DDC: variants seen among roughly 807,000 people sequenced by gnomAD.
DDC encodes the protein aromatic-L-amino-acid decarboxylase.
Under a neutral mutation model 60.0 loss-of-function variants are expected in DDC, and 43 were observed. The ratio of observed to expected loss-of-function variants is 0.72; its 90% confidence interval spans 0.56 to 0.92. The LOEUF is 0.92. Ranked by LOEUF, DDC falls within the 40% of genes least tolerant of loss-of-function variation. The probability of loss-of-function intolerance (pLI) is 0.00; values close to 1 mark genes in which losing one functional copy is unlikely to be tolerated. For missense variants in DDC, 573 were observed against 620.2 expected, an observed-to-expected ratio of 0.92 and a Z score of 0.81; for synonymous variants, 232 against 234.6, an observed-to-expected ratio of 0.99 and a Z score of 0.10.
At chr7:50,551,080 A>T (rs2044977208) in intron 1 of DDC, among the ~76,000 whole-genome samples, 1 of 152,164 alleles carries the variant, frequency 6.6e-6, no homozygotes, top group Non-Finnish European at 1.5e-5. Context: ...ATTTAGAACA[A>T]ATTCTTCTAG....
At chr7:50,494,471 TCCAGCCTGG>T (rs2043078665) in intron 9 of DDC, among the ~76,000 whole-genome samples, 1 of 151,364 alleles carries the variant, frequency 6.6e-6, no homozygotes, top group Admixed American at 6.6e-5. Flanking sequence ...ACCACTGCAC[TCCAGCCTGG>T]GCGACAGAAT....
At chr7:50,470,655 A>C (rs1340413207) in intron 11 of DDC, among the ~76,000 whole-genome samples, 1 of 152,144 alleles carries the variant, frequency 6.6e-6, no homozygotes, top group Non-Finnish European at 1.5e-5. Flanking sequence ...TTCTAGAGCA[A>C]TACTGGTTCC....
intron 2 of DDC, chr7:50,541,447 C>T (rs906792207): frequency 1.3e-5 from 2 of 152,238 alleles, no homozygotes; most frequent in African/African-American, 4.8e-5. Context: ...AAATCCTAAC[C>T]CCCAAAGTGA....
Position 50,474,384 on chromosome 7 carries a change from A to G in DDC, c.1041+2240T>C, listed in dbSNP as rs182204823. 5.1e-3 allele frequency among the ~76,000 whole-genome samples: 775 copies of G among 152,280 alleles called. 5 individuals are homozygous for G. Among genetic ancestry groups the G allele is most frequent in the South Asian group, 0.021 (102 of 4,828 alleles). Reference sequence around the variant, plus strand: ...CAGAAAGACCCCATGAGGGTCAGGGACTGGTGGTGGAGGGAGTAGGATGAA... The same window carrying G: ...CAGAAAGACCCCATGAGGGTCAGGGGCTGGTGGTGGAGGGAGTAGGATGAA... On this transcript the variant is annotated intron_variant, in intron 11 of 14. Coordinates refer to ENST00000444124, the MANE Select transcript of DDC (RefSeq NM_001082971.2).
At chr7:50,468,144 G>A (rs182967042) in intron 12 of DDC, among the ~76,000 whole-genome samples, 140 of 152,360 alleles carry the variant, frequency 9.2e-4, no homozygotes, top group Non-Finnish European at 1.5e-3. Context: ...GGCGCCTCGC[G>A]GGCAGGGGGT....
chr7:50,521,326 A>G (rs2043884231), intron 6 of DDC, among the ~76,000 whole-genome samples: 1 of 152,326 alleles, frequency 6.6e-6, no homozygotes, highest in East Asian at 1.9e-4. Context: ...TCTAAAACAA[A>G]GAAACCATGC....
At chr7:50,560,195 G>C (rs2045309866) in intron 1 of DDC, among the ~76,000 whole-genome samples, 2 of 152,148 alleles carry the variant, frequency 1.3e-5, no homozygotes, top group Non-Finnish European at 2.9e-5. Context: ...ACCAGCTTTT[G>C]TGCAGTGATT....
chr7:50,461,520 C>T (rs554560586), intron 14 of DDC, among the ~76,000 whole-genome samples: 2 of 152,326 alleles, frequency 1.3e-5, no homozygotes, highest in Admixed American at 6.5e-5. Flanking sequence ...AGACTCCTAT[C>T]GGAAACACAC....
At chr7:50,480,300 C>A (rs2042738959) in intron 9 of DDC, among the ~76,000 whole-genome samples, 3 of 152,200 alleles carry the variant, frequency 2.0e-5, no homozygotes, top group Admixed American at 6.5e-5. Flanking sequence ...GTAAATGCTT[C>A]ATGATGCTGG....
At chr7:50,519,083 C>T (rs148669951) in intron 6 of DDC, among the ~76,000 whole-genome samples, 2,890 of 152,202 alleles carry the variant, frequency 0.019, 31 homozygotes, top group Middle Eastern at 0.061. Context: ...GGGCTAAGGA[C>T]ATGAATAGAC....
chr7:50,538,700 T>C (rs2044503029), intron 3 of DDC, among the ~76,000 whole-genome samples: 1 of 152,184 alleles, frequency 6.6e-6, no homozygotes, highest in Non-Finnish European at 1.5e-5. Context: ...AGTGAGGCAC[T>C]CCCTTCAAGG....
Position 50,488,700 on chromosome 7 carries a change from T to G in DDC, c.944+6650A>C, listed in dbSNP as rs2042937077. On this transcript the variant is annotated intron_variant, in intron 9 of 14. Transcript: ENST00000444124. The stretch of plus-strand genomic sequence containing the variant: ...ATAATAGTCTTTCTAGAAATTGGGC[T>G]TTGATATTAAAAATACACTAATAAA... 2.0e-5 allele frequency among the ~76,000 whole-genome samples: 3 copies of G among 152,182 alleles called. No individual in the cohort carries two copies. The South Asian group carries it at 6.2e-4, about 31-fold the overall frequency.
chr7:50,480,444 G>T (rs543300828), intron 9 of DDC, among the ~76,000 whole-genome samples: 1 of 152,188 alleles, frequency 6.6e-6, no homozygotes, highest in East Asian at 1.9e-4. Context: ...AATTCTGTGA[G>T]TTGTTCTAGT....
chr7:50,480,820 G>T (rs942094447), intron 9 of DDC, among the ~76,000 whole-genome samples: 1 of 152,150 alleles, frequency 6.6e-6, no homozygotes, highest in East Asian at 1.9e-4. Flanking sequence ...GAGTGAGAAG[G>T]CCAGGATGCC....
chr7:50,471,118 G>A (rs1030886997), intron 11 of DDC, among the ~76,000 whole-genome samples: 3 of 152,222 alleles, frequency 2.0e-5, no homozygotes, highest in Non-Finnish European at 2.9e-5. Context: ...AAGGCCGGAT[G>A]CGGTGGCTCA....
chr7:50,560,633 C>T (rs540430406), intron 1 of DDC, among the ~76,000 whole-genome samples: 2 of 152,270 alleles, frequency 1.3e-5, no homozygotes, highest in East Asian at 3.9e-4. Flanking sequence ...CGTGTGGCCT[C>T]CACGGTCTCT....
At chr7:50,511,584 C>A (rs898561075) in intron 6 of DDC, among the ~76,000 whole-genome samples, 1 of 152,112 alleles carries the variant, frequency 6.6e-6, no homozygotes, top group African/African-American at 2.4e-5. Flanking sequence ...AAAAAATTAG[C>A]CAGGCATGGT....
chr7:50,512,153 A>C (rs2043597666), intron 6 of DDC, among the ~76,000 whole-genome samples: 1 of 152,240 alleles, frequency 6.6e-6, no homozygotes, highest in Non-Finnish European at 1.5e-5. Context: ...TAAGAAATGC[A>C]CTTTAAATGT....
At chr7:50,490,541 G>C (rs181196359) in intron 9 of DDC, among the ~76,000 whole-genome samples, 28 of 152,224 alleles carry the variant, frequency 1.8e-4, no homozygotes, top group African/African-American at 6.7e-4. Context: ...GTGGTGGCAC[G>C]CTCCTGTAGT....
Sources: allele counts gnomAD v4.1 joint callset (sites outside exome capture counted in the v4.1 genomes callset), GRCh38; gene constraint gnomAD v4.1.1; transcripts MANE v1.5; gene names NCBI Gene and HGNC (gene_info 2026-07-23, HGNC 2026-07-21).